MYO3B: variants seen among roughly 807,000 people sequenced by gnomAD.
MYO3B encodes myosin-IIIb.
In MYO3B, 156 loss-of-function variants were observed where a neutral mutation model predicts 174.6. That is an observed-to-expected ratio of 0.89 (90% CI 0.78 to 1.02). MYO3B has a LOEUF of 1.02. Among genes scored for constraint, MYO3B ranks in the 50% least tolerant of loss-of-function variants. The pLI, the probability that MYO3B is intolerant of heterozygous loss-of-function variation, is 0.00. For missense variants in MYO3B, 1,632 were observed against 1,639.4 expected (o/e 1.00, Z 0.08); for synonymous variants, 563 against 569.1 (o/e 0.99, Z 0.15).
intron 25 of MYO3B, among the ~76,000 whole-genome samples, chr2:170,479,291 T>TA (rs1193746434): frequency 6.8e-6 from 1 of 147,690 alleles, no homozygotes; most frequent in East Asian, 2.0e-4. Context: ...CTCAAAAAAA[T>TA]AAAAAATAAA....
rs559805005 is a variant in MYO3B, at chr2:170,595,894, C to T, written c.3733+51906C>T. Among the ~76,000 whole-genome samples, 5 of 152,216 alleles carry T rather than the reference C, an allele frequency of 3.3e-5. No homozygotes were observed. In the East Asian group the frequency reaches 5.8e-4, roughly 18 times the overall value. ...CTAATGAATGAGGCTTCTGTGGTTGCGGTTGCTAAGGAATCCACCCTCCCA... is the reference window on the plus strand; with the variant it reads ...CTAATGAATGAGGCTTCTGTGGTTGTGGTTGCTAAGGAATCCACCCTCCCA... On this transcript the variant is annotated intron_variant, in intron 32 of 34. Transcript: ENST00000408978.
chr2:170,271,294 T>C (rs1260839376), intron 7 of MYO3B, among the ~76,000 whole-genome samples: 5 of 152,188 alleles, frequency 3.3e-5, no homozygotes, highest in Admixed American at 2.6e-4. Flanking sequence ...TATTTTGTTT[T>C]TAAATAATAC....
intron 7 of MYO3B, among the ~76,000 whole-genome samples, chr2:170,260,531 C>G (rs1234426740): frequency 6.6e-6 from 1 of 152,146 alleles, no homozygotes; most frequent in Non-Finnish European, 1.5e-5. Context: ...AAGATTGGAA[C>G]AGTAGACACT....
chr2:170,473,654 T>G (rs1432647818), intron 25 of MYO3B, among the ~76,000 whole-genome samples: 1 of 152,204 alleles, frequency 6.6e-6, no homozygotes, highest in East Asian at 1.9e-4. Context: ...TAAGTTGATT[T>G]AAAATAAGGC....
chr2:170,228,279 T>G (rs2092974087), intron 6 of MYO3B, among the ~76,000 whole-genome samples: 1 of 152,206 alleles, frequency 6.6e-6, no homozygotes, highest in South Asian at 2.1e-4. Context: ...ACCAACTGTG[T>G]GATTTCAGAC....
chr2:170,560,089 C>G (rs923576857), intron 32 of MYO3B, among the ~76,000 whole-genome samples: 6 of 152,186 alleles, frequency 3.9e-5, no homozygotes, highest in African/African-American at 1.4e-4. Context: ...TCTTACTCTT[C>G]CATTGCGAAT....
intron 6 of MYO3B, among the ~76,000 whole-genome samples, chr2:170,221,424 G>A (rs6729519): frequency 0.91 from 139,216 of 152,170 alleles, 63,751 homozygotes; most frequent in East Asian, 1. Context: ...TCTACAAACC[G>A]GGTAGCTAAT....
intron 14 of MYO3B, among the ~76,000 whole-genome samples, chr2:170,389,004 C>T (rs2094394830): frequency 6.6e-6 from 1 of 152,180 alleles, no homozygotes; most frequent in Non-Finnish European, 1.5e-5. Flanking sequence ...CTACCTCTGA[C>T]AGAATGGAAA....
Position 170,463,687 on chromosome 2 carries a change from C to CTCT in MYO3B, c.2808+242_2808+243insTCT, listed in dbSNP as rs1217843807. On this transcript the variant is annotated intron_variant, in intron 24 of 34. Transcript: ENST00000408978. Reference sequence around the variant, plus strand: ...TGGTCTTAAAGCTACTAGAGGCAGCCACTTTTCTAGCATACTGAATAGTAA... The same window carrying CTCT: ...TGGTCTTAAAGCTACTAGAGGCAGCCTCTACTTTTCTAGCATACTGAATAGTAA... Among the ~76,000 whole-genome samples the CTCT allele has an allele frequency of 3.3e-5, 5 of 151,854 alleles. No homozygotes were observed. In the East Asian group the frequency reaches 9.7e-4, roughly 29 times the overall value.
At chr2:170,646,860 T>C (rs1698423650) in intron 32 of MYO3B, 5 of 1,185,628 alleles carry the variant, frequency 4.2e-6, no homozygotes, top group Non-Finnish European at 5.8e-6. Flanking sequence ...TAGTTCAACA[T>C]TTTTCAGTAT....
At position 170,359,971 on chromosome 2, in the gene MYO3B, A is replaced by C. The variant is rs114065523; in HGVS notation, c.816-9251A>C. ...TGAATGAATCAATGAAATCAATCTC[A>C]TCTGATTCTCTAAATCTTTCATATG... On this transcript the variant is annotated intron_variant, in intron 8 of 34. Coordinates refer to ENST00000408978, the MANE Select transcript of MYO3B (RefSeq NM_138995.5). 6.1e-4 allele frequency among the ~76,000 whole-genome samples: 93 copies of C among 152,270 alleles called. 1 individual carries two copies. Among genetic ancestry groups the C allele is most frequent in the Non-Finnish European group, 1.1e-3 (78 of 68,018 alleles).
At chr2:170,648,054 T>G (rs1698514740) in intron 32 of MYO3B, 1 of 152,156 alleles carries the variant, frequency 6.6e-6, no homozygotes, top group Non-Finnish European at 1.5e-5. Flanking sequence ...TAAGGACACT[T>G]CTCTTCATTG....
intron 32 of MYO3B, among the ~76,000 whole-genome samples, chr2:170,648,287 G>C (rs1403781588): frequency 2.0e-5 from 3 of 152,160 alleles, no homozygotes; most frequent in African/African-American, 7.2e-5. Flanking sequence ...TGTCTGTTAA[G>C]GCTGTTGGAC....
intron 32 of MYO3B, among the ~76,000 whole-genome samples, chr2:170,638,538 A>G (rs1412550606): frequency 6.6e-6 from 1 of 152,228 alleles, no homozygotes; most frequent in Non-Finnish European, 1.5e-5. Context: ...TGAGGCTCCA[A>G]GAGGTTAACT....
chr2:170,559,264 C>T (rs889703569), intron 32 of MYO3B, among the ~76,000 whole-genome samples: 3 of 152,162 alleles, frequency 2.0e-5, no homozygotes, highest in African/African-American at 4.8e-5. Context: ...ATTGGATGGC[C>T]ATTTTAGCTT....
At chr2:170,498,809 A>G in intron 26 of MYO3B, 106 bp downstream of exon 26, 1 of 714,130 alleles carries the variant, frequency 1.4e-6, no homozygotes, top group South Asian at 1.8e-5. Flanking sequence ...TTAGCAAACA[A>G]GACTCCAACG....
intron 1 of MYO3B, among the ~76,000 whole-genome samples, chr2:170,179,955 C>T (rs2092376943): frequency 6.6e-6 from 1 of 152,140 alleles, no homozygotes; most frequent in East Asian, 1.9e-4. Flanking sequence ...AAAATCTATT[C>T]TCTAGATTTG....
At chr2:170,644,957 G>A (rs1020251543) in intron 32 of MYO3B, among the ~76,000 whole-genome samples, 1 of 152,142 alleles carries the variant, frequency 6.6e-6, no homozygotes, top group East Asian at 1.9e-4. Context: ...CAGGGGGTTG[G>A]GGGGAGGTGC....
chr2:170,383,994 A>G, intron 12 of MYO3B, 180 bp downstream of exon 12: 1 of 539,202 alleles, frequency 1.9e-6, no homozygotes, highest in Admixed American at 3.2e-5. Context: ...TAGCATCGGG[A>G]GAATGTGAAA....
Sources: gnomAD v4.1 joint callset for allele counts (sites outside exome capture counted in the v4.1 genomes callset) on GRCh38, gnomAD v4.1.1 for gene constraint, MANE v1.5 for transcripts, NCBI Gene and HGNC (gene_info 2026-07-23, HGNC 2026-07-21) for gene names.